The following PROS1 variants were observed in gnomAD, a reference collection of about 807,000 sequenced individuals.
The protein encoded by PROS1 is vitamin K-dependent protein S.
PROS1 carries 29 observed loss-of-function variants against 75.9 expected under a neutral mutation model. The observed-to-expected ratio is 0.38, with a 90% CI of 0.28 to 0.52. The LOEUF (loss-of-function observed/expected upper bound fraction) is 0.52, where lower values mean the gene tolerates loss of function less well. Among genes scored for constraint, PROS1 ranks in the 20% least tolerant of loss-of-function variants. The pLI, the probability that PROS1 is intolerant of heterozygous loss-of-function variation, is 0.83. For synonymous variants in PROS1, 245 were observed against 280.6 expected, an observed-to-expected ratio of 0.87 and a Z score of 1.27; for missense variants, 680 against 810.3, an observed-to-expected ratio of 0.84 and a Z score of 1.95.
intron 4 of PROS1, among the ~76,000 whole-genome samples, chr3:93,907,602 G>T (rs1708695441): frequency 6.6e-6 from 1 of 152,110 alleles, no homozygotes; most frequent in Non-Finnish European, 1.5e-5. Context: ...GCTCAGTAAA[G>T]TTCCTGTTCA....
chr3:93,914,168 C>A (rs890380208), intron 3 of PROS1, among the ~76,000 whole-genome samples: 3 of 152,182 alleles, frequency 2.0e-5, no homozygotes, highest in African/African-American at 7.2e-5. Flanking sequence ...TACTGGTAGC[C>A]CTATAGTTCT....
At chr3:93,894,805 T>G (rs1199243322) in intron 9 of PROS1, among the ~76,000 whole-genome samples, 1 of 152,094 alleles carries the variant, frequency 6.6e-6, no homozygotes, top group Non-Finnish European at 1.5e-5. Context: ...TTTATAAAAA[T>G]TCATCAAGCT....
At chr3:93,959,230 C>T (rs1179146638) in intron 1 of PROS1, among the ~76,000 whole-genome samples, 1 of 152,130 alleles carries the variant, frequency 6.6e-6, no homozygotes, top group Non-Finnish European at 1.5e-5. Flanking sequence ...AGGAGGATTG[C>T]TTGAGCCCAG....
chr3:93,927,995 A>ATATATG (rs1709051896), intron 1 of PROS1, among the ~76,000 whole-genome samples: 1 of 16,428 alleles, frequency 6.1e-5, no homozygotes, highest in South Asian at 1.4e-3. Context: ...GTGTGTGTGT[A>ATATATG]TATATATATA....
chr3:93,896,273 C>T (rs1708499887), intron 9 of PROS1, among the ~76,000 whole-genome samples: 1 of 152,032 alleles, frequency 6.6e-6, no homozygotes, highest in South Asian at 2.1e-4. Flanking sequence ...TTCACAAGTA[C>T]ATTAAATCTA....
At chr3:93,879,625 C>A (rs941865199) in intron 12 of PROS1, among the ~76,000 whole-genome samples, 1 of 152,152 alleles carries the variant, frequency 6.6e-6, no homozygotes, top group African/African-American at 2.4e-5. Context: ...TGCACATTCA[C>A]CAATGCTCAA....
intron 4 of PROS1, among the ~76,000 whole-genome samples, chr3:93,909,958 T>C (rs1253216153): frequency 3.3e-5 from 5 of 152,162 alleles, no homozygotes; most frequent in Admixed American, 2.0e-4. Flanking sequence ...TAAATATACG[T>C]ATTCAGACAA....
intron 1 of PROS1, among the ~76,000 whole-genome samples, chr3:93,933,311 G>A (rs928307352): frequency 5.9e-5 from 9 of 152,072 alleles, no homozygotes; most frequent in South Asian, 2.1e-4. Context: ...ACTGTGGCTC[G>A]CACATGTAAT....
rs367557409 is a variant in PROS1, at chr3:93,884,801, C to T, written c.1419G>A (p.Lys473=). The T allele has an allele frequency of 1.7e-5, 27 of 1,613,626 alleles. No homozygotes were observed. Among genetic ancestry groups the T allele is most frequent in the Non-Finnish European group, 2.3e-5 (27 of 1,179,840 alleles). ...CCTTCTCCACAGTAACCAGGCAATGCTTATTTTGTTTTTCTTGAATAATTT... is the reference window on the plus strand; with the variant it reads ...CCTTCTCCACAGTAACCAGGCAATGTTTATTTTGTTTTTCTTGAATAATTT... The part of the protein sequence containing the change: ...IKEIIQEKQN[K]HCLVTVEKGS... The change falls in exon 12 of 15, where the codon AAG becomes AAA. Residue 473 remains lysine, a synonymous_variant. Transcript: ENST00000394236.
intron 12 of PROS1, among the ~76,000 whole-genome samples, chr3:93,881,866 C>T (rs891573695): frequency 1.8e-4 from 28 of 151,998 alleles, no homozygotes; most frequent in Admixed American, 4.6e-4. Context: ...CTTACCTCGC[C>T]CTTTTTAGGT....
intron 12 of PROS1, among the ~76,000 whole-genome samples, chr3:93,882,476 G>C (rs540251746): frequency 1.0e-3 from 156 of 152,228 alleles, no homozygotes; most frequent in African/African-American, 3.7e-3. Flanking sequence ...GACTTTTCTT[G>C]AAACTATCAA....
intron 1 of PROS1, among the ~76,000 whole-genome samples, chr3:93,961,780 C>T (rs1187986179): frequency 1.3e-5 from 2 of 152,158 alleles, no homozygotes; most frequent in Non-Finnish European, 1.5e-5. Flanking sequence ...TGCCAGCTTC[C>T]GTTCTAACAG....
chr3:93,923,200 C>T (rs868534721), intron 3 of PROS1, among the ~76,000 whole-genome samples: 18 of 152,124 alleles, frequency 1.2e-4, no homozygotes, highest in African/African-American at 2.9e-4. Context: ...GCCAGAAAAG[C>T]GGAAGTTAAG....
intron 2 of PROS1, among the ~76,000 whole-genome samples, chr3:93,925,358 A>G (rs2107199097): frequency 6.6e-6 from 1 of 152,262 alleles, no homozygotes; most frequent in East Asian, 1.9e-4. Flanking sequence ...ACAATAGATA[A>G]TGGGATTCAA....
chr3:93,945,653 C>A (rs986154309), intron 1 of PROS1, among the ~76,000 whole-genome samples: 1 of 152,140 alleles, frequency 6.6e-6, no homozygotes, highest in Non-Finnish European at 1.5e-5. Context: ...ATTGATGGGA[C>A]GTATCTCAAA....
At chr3:93,945,769 C>T (rs1323702384) in intron 1 of PROS1, among the ~76,000 whole-genome samples, 1 of 152,188 alleles carries the variant, frequency 6.6e-6, no homozygotes, top group Non-Finnish European at 1.5e-5. Flanking sequence ...TGCCCTCTCT[C>T]ACCACTCCTA....
At chr3:93,945,066 G>A (rs1220951386) in intron 1 of PROS1, among the ~76,000 whole-genome samples, 1 of 152,114 alleles carries the variant, frequency 6.6e-6, no homozygotes, top group Non-Finnish European at 1.5e-5. Context: ...AGAAAATCTA[G>A]AAGAAATGGA....
At chr3:93,879,110 T>C (rs2107128519) in intron 13 of PROS1, 53 bp downstream of exon 13, 1 of 1,531,430 alleles carries the variant, frequency 6.5e-7, no homozygotes, top group African/African-American at 1.4e-5. Flanking sequence ...TATGTATACA[T>C]TTTAAAAAAT....
chr3:93,948,998 G>A (rs879923014), intron 1 of PROS1, among the ~76,000 whole-genome samples: 3 of 152,122 alleles, frequency 2.0e-5, no homozygotes, highest in Admixed American at 6.5e-5. Flanking sequence ...TGCAAGCATG[G>A]CACAGTAACA....
Sources: gnomAD v4.1 joint callset for allele counts (sites outside exome capture counted in the v4.1 genomes callset) on GRCh38, gnomAD v4.1.1 for gene constraint, MANE v1.5 for transcripts, NCBI Gene and HGNC (gene_info 2026-07-23, HGNC 2026-07-21) for gene names.